THSD4: variants seen among roughly 807,000 people sequenced by gnomAD.
The protein encoded by THSD4 is thrombospondin type-1 domain-containing protein 4.
A neutral mutation model predicts 119.0 loss-of-function variants in THSD4; 69 were observed. The ratio of observed to expected loss-of-function variants is 0.58; its 90% CI spans 0.48 to 0.71. THSD4 has a LOEUF of 0.71. Among genes scored for constraint, THSD4 ranks in the 30% least tolerant of loss-of-function variants. The probability of loss-of-function intolerance (pLI) is 0.00; values close to 1 mark genes in which losing one functional copy is unlikely to be tolerated. For missense variants in THSD4, 1,393 were observed against 1,391.1 expected (o/e 1.00, Z -0.02); for synonymous variants, 524 against 540.4 (o/e 0.97, Z 0.42).
chr15:71,603,912 C>A (rs2050060359), intron 7 of THSD4, among the ~76,000 whole-genome samples: 1 of 151,952 alleles, frequency 6.6e-6, no homozygotes, highest in African/African-American at 2.4e-5. Flanking sequence ...GAATTCAGTC[C>A]AAGGTTTTAG....
At chr15:71,341,220 C>T (rs2045566403) in intron 6 of THSD4, 3 of 1,584,306 alleles carry the variant, frequency 1.9e-6, no homozygotes, top group Admixed American at 1.7e-5. Flanking sequence ...TTCTTCTGGG[C>T]AACCTCCTCT....
intron 6 of THSD4, among the ~76,000 whole-genome samples, chr15:71,336,623 A>G (rs2045492798): frequency 6.6e-6 from 1 of 152,220 alleles, no homozygotes; most frequent in African/African-American, 2.4e-5. Context: ...TAAGAGACAT[A>G]AAGTGTTATA....
intron 17 of THSD4, among the ~76,000 whole-genome samples, chr15:71,774,988 T>C (rs1215524417): frequency 1.3e-5 from 2 of 151,762 alleles, no homozygotes; most frequent in African/African-American, 2.4e-5. Flanking sequence ...CTACTAAAAA[T>C]ACATAAAATT....
At chr15:71,261,995 C>T (rs1005964503) in intron 6 of THSD4, among the ~76,000 whole-genome samples, 3 of 152,092 alleles carry the variant, frequency 2.0e-5, no homozygotes, top group Non-Finnish European at 4.4e-5. Context: ...CCAGGCTGAC[C>T]GGCGGGAGGA....
chr15:71,273,019 A>C (rs1260775064), intron 6 of THSD4, among the ~76,000 whole-genome samples: 1 of 152,246 alleles, frequency 6.6e-6, no homozygotes. Context: ...TAGAGTTACC[A>C]TCATTCTGCA....
chr15:71,581,315 T>C (rs1437956420), intron 7 of THSD4, among the ~76,000 whole-genome samples: 2 of 152,222 alleles, frequency 1.3e-5, no homozygotes, highest in East Asian at 3.8e-4. Flanking sequence ...ATTAGTGATA[T>C]TGAGCATCTT....
intron 3 of THSD4, among the ~76,000 whole-genome samples, chr15:71,171,435 A>G (rs2043362157): frequency 6.6e-6 from 1 of 152,148 alleles, no homozygotes; most frequent in Non-Finnish European, 1.5e-5. Context: ...CAGCAAAAAT[A>G]TCTTTTAAAA....
chr15:71,483,419 T>C (rs1322786845), intron 7 of THSD4, among the ~76,000 whole-genome samples: 3 of 152,296 alleles, frequency 2.0e-5, no homozygotes, highest in Non-Finnish European at 2.9e-5. Context: ...TGGTTTTTGT[T>C]TGGACATTTT....
At chr15:71,472,717 G>T (rs1249026312) in intron 7 of THSD4, among the ~76,000 whole-genome samples, 2 of 152,198 alleles carry the variant, frequency 1.3e-5, no homozygotes, top group African/African-American at 4.8e-5. Flanking sequence ...GCATGGAAAT[G>T]GGATCTTGAT....
intron 6 of THSD4, among the ~76,000 whole-genome samples, chr15:71,299,337 C>CGAGT (rs1387028580): frequency 2.0e-5 from 3 of 152,212 alleles, no homozygotes; most frequent in Non-Finnish European, 4.4e-5. Flanking sequence ...TGGAGGCAGC[C>CGAGT]ACTCCTCTGT....
At chr15:71,330,030 TG>T in intron 6 of THSD4, among the ~76,000 whole-genome samples, 1 of 150,636 alleles carries the variant, frequency 6.6e-6, no homozygotes, top group Non-Finnish European at 1.5e-5. Context: ...CGGTGAGCTG[TG>T]ATAGCACCAT....
intron 3 of THSD4, among the ~76,000 whole-genome samples, chr15:71,207,583 G>A (rs532771526): frequency 5.3e-5 from 8 of 152,292 alleles, no homozygotes; most frequent in Admixed American, 2.6e-4. Flanking sequence ...GTACTGGGCC[G>A]CAGCCTGTTA....
At chr15:71,455,562 C>A (rs996240435) in intron 7 of THSD4, among the ~76,000 whole-genome samples, 13 of 152,092 alleles carry the variant, frequency 8.5e-5, no homozygotes, top group African/African-American at 3.1e-4. Flanking sequence ...TGCCATTAGA[C>A]CCATCCCCAG....
chr15:71,258,941 C>T (rs925337818), intron 6 of THSD4, among the ~76,000 whole-genome samples: 1 of 151,742 alleles, frequency 6.6e-6, no homozygotes, highest in Non-Finnish European at 1.5e-5. Context: ...TGGAGAACCC[C>T]GTCTCTGCTA....
At chr15:71,144,478 C>T (rs1307214055) in intron 2 of THSD4, among the ~76,000 whole-genome samples, 1 of 152,048 alleles carries the variant, frequency 6.6e-6, no homozygotes, top group African/African-American at 2.4e-5. Context: ...CAACTAAATA[C>T]ATAAAGATCA....
intron 7 of THSD4, among the ~76,000 whole-genome samples, chr15:71,559,941 T>G (rs1251467402): frequency 6.6e-6 from 1 of 152,196 alleles, no homozygotes; most frequent in African/African-American, 2.4e-5. Context: ...AAGTCACATA[T>G]TTAATAAATG....
At chr15:71,716,783 C>T in intron 8 of THSD4, among the ~76,000 whole-genome samples, 1 of 152,108 alleles carries the variant, frequency 6.6e-6, no homozygotes, top group East Asian at 1.9e-4. Flanking sequence ...CTTGGGGCAT[C>T]CCCCCTTGCA....
intron 7 of THSD4, among the ~76,000 whole-genome samples, chr15:71,509,901 T>G (rs749503150): frequency 5.9e-5 from 9 of 152,236 alleles, no homozygotes; most frequent in Non-Finnish European, 1.2e-4. Flanking sequence ...TTGTAGTGTT[T>G]CATTGGCTTT....
intron 7 of THSD4, among the ~76,000 whole-genome samples, chr15:71,576,151 A>G (rs2140907078): frequency 6.6e-6 from 1 of 152,254 alleles, no homozygotes; most frequent in Non-Finnish European, 1.5e-5. Context: ...AAGTGGACAA[A>G]TCCATGGAGC....
Sources: gnomAD v4.1 joint callset for allele counts (sites outside exome capture counted in the v4.1 genomes callset) on GRCh38, gnomAD v4.1.1 for gene constraint, MANE v1.5 for transcripts, NCBI Gene and HGNC (gene_info 2026-07-23, HGNC 2026-07-21) for gene names.